The following ADAMDEC1 variants were observed in gnomAD, a reference collection of about 807,000 sequenced individuals.
The protein encoded by ADAMDEC1 is ADAM DEC1.
In ADAMDEC1, 62 loss-of-function variants were observed where a neutral mutation model predicts 60.4. The observed-to-expected ratio is 1.03, with a 90% CI of 0.84 to 1.27. The LOEUF is 1.27. Ranked by LOEUF, ADAMDEC1 falls within the 50% of genes most tolerant of loss-of-function variation. ADAMDEC1 has a pLI of 0.00. For missense variants in ADAMDEC1, 595 were observed against 565.0 expected (o/e 1.05, Z -0.54); for synonymous variants, 210 against 195.1 (o/e 1.08, Z -0.64).
chr8:24,402,962 T>C (rs1435109678), intron 12 of ADAMDEC1, among the ~76,000 whole-genome samples: 1 of 152,164 alleles, frequency 6.6e-6, no homozygotes, highest in Non-Finnish European at 1.5e-5. Context: ...CTTACTTGCT[T>C]ACATTCATCT....
At chr8:24,397,633 C>T (rs757397346) in intron 6 of ADAMDEC1, 50 bp from the exon 7 acceptor site, 1 of 1,561,126 alleles carries the variant, frequency 6.4e-7, no homozygotes, top group Non-Finnish European at 8.7e-7. Flanking sequence ...GCTTTGGAAT[C>T]TTTTAGGATA....
chr8:24,392,677 T>C lies in ADAMDEC1; in HGVS notation c.207+297T>C, dbSNP rs185326229. Among the ~76,000 whole-genome samples the C allele has an allele frequency of 8.9e-4, 135 of 152,208 alleles. 1 individual carries two copies. The highest frequency in any genetic ancestry group is 3.1e-3 in the African/African-American group (128 of 41,504). The stretch of plus-strand genomic sequence containing the variant: ...GAAGGTCGGCCATCTTTAACGGAGA[T>C]GTTGTTCCTGGCAAGCCTCACCACC... On this transcript the variant is annotated intron_variant, in intron 2 of 13. Transcript: ENST00000256412.
intron 1 of ADAMDEC1, among the ~76,000 whole-genome samples, chr8:24,386,452 C>A (rs1315362609): frequency 6.6e-6 from 1 of 152,136 alleles, no homozygotes; most frequent in Non-Finnish European, 1.5e-5. Context: ...GTGTATAAAA[C>A]CACGCCAGAA....
Position 24,395,868 on chromosome 8 carries a change from T to C in ADAMDEC1, c.440+72T>C, listed in dbSNP as rs904444641. 44 of 1,199,062 alleles carry C rather than the reference T, an allele frequency of 3.7e-5. No homozygotes were observed. In the Middle Eastern group the frequency reaches 1.1e-3, roughly 31 times the overall value. The allele number at this position is 1,199,062 out of a possible 1,614,324, so 74.3% of individuals were successfully genotyped here. A position where few individuals can be genotyped will look rare whatever the true frequency, so the allele number is the denominator to read the frequency against. On this transcript the variant is annotated intron_variant, in intron 5 of 13. Coordinates refer to ENST00000256412, the MANE Select transcript of ADAMDEC1 (RefSeq NM_014479.3). The stretch of plus-strand genomic sequence containing the variant: ...ACACAGAATTAAGGGCTACTAGATA[T>C]TGTCTTCTTACTATTTTGGTAAATT...
At chr8:24,392,890 T>G (rs1368651297) in intron 2 of ADAMDEC1, among the ~76,000 whole-genome samples, 1 of 139,374 alleles carries the variant, frequency 7.2e-6, no homozygotes, top group Non-Finnish European at 1.5e-5. Flanking sequence ...TGAGAGGTTT[T>G]TTTTTTTTTT....
rs997471550 is a variant in ADAMDEC1 at position 24,394,844 on chromosome 8, A to T, written c.363+697A>T. 3.3e-5 allele frequency among the ~76,000 whole-genome samples: 5 copies of T among 152,226 alleles called. No homozygotes were observed. In the East Asian group the frequency reaches 9.6e-4, roughly 29 times the overall value. On this transcript the variant is annotated intron_variant, in intron 4 of 13. Transcript: ENST00000256412. The stretch of plus-strand genomic sequence containing the variant: ...TTTGCTAACACTATCTTCAGCGGAC[A>T]GTGTCTGATAAATTAATTTATGCTC...
chr8:24,395,617 A>G (rs1817585154), intron 4 of ADAMDEC1, 103 bp from the exon 5 acceptor site: 4 of 758,722 alleles, frequency 5.3e-6, no homozygotes, highest in Middle Eastern at 3.9e-4. Context: ...AGCTTTCCTC[A>G]CAACTGTGAT....
intron 10 of ADAMDEC1, 64 bp from the exon 11 acceptor site, chr8:24,400,106 A>C (rs569750220): frequency 1.2e-4 from 159 of 1,325,978 alleles, no homozygotes; most frequent in Admixed American, 2.8e-4. Context: ...GCCATTTTTA[A>C]AGTACTGCAC....
intron 1 of ADAMDEC1, among the ~76,000 whole-genome samples, chr8:24,386,242 A>G (rs1817288580): frequency 6.6e-6 from 1 of 152,178 alleles, no homozygotes; most frequent in Non-Finnish European, 1.5e-5. Flanking sequence ...ATAATTTTAT[A>G]CCTGGTAATG....
chr8:24,405,091 T>C (rs919743910), intron 13 of ADAMDEC1, among the ~76,000 whole-genome samples: 11 of 152,192 alleles, frequency 7.2e-5, no homozygotes, highest in African/African-American at 2.7e-4. Flanking sequence ...GTCTTTTCTG[T>C]CAGAAACTAG....
At chr8:24,384,882 C>T (rs2129355800) in intron 1 of ADAMDEC1, among the ~76,000 whole-genome samples, 1 of 152,068 alleles carries the variant, frequency 6.6e-6, no homozygotes, top group Admixed American at 6.6e-5. Flanking sequence ...ACAATATTTT[C>T]CAAAATAGAG....
intron 11 of ADAMDEC1, among the ~76,000 whole-genome samples, chr8:24,400,626 T>G (rs1338844463): frequency 1.4e-5 from 2 of 145,696 alleles, no homozygotes; most frequent in East Asian, 4.1e-4. Context: ...AATGAATGTT[T>G]CTTTTCATAT....
Position 24,402,016 on chromosome 8 carries a change from C to T in ADAMDEC1, c.1244C>T (p.Thr415Ile). The change falls in exon 12 of 14, where the codon ACA becomes ATA. Residue 415 changes from threonine (T) to isoleucine (I), a missense_variant. Transcript: ENST00000256412. ...PKCLLQAPIPTNIMTTPVCGN... is the reference protein window; with the variant it reads ...PKCLLQAPIPINIMTTPVCGN... ...TGCCTGCTGCAAGCACCTATTCCTA[C>T]AAATATAATGACAACACCAGTGTGT... 1 of 1,613,308 alleles carries T rather than the reference C, an allele frequency of 6.2e-7. No individual in the cohort carries two copies.
intron 1 of ADAMDEC1, among the ~76,000 whole-genome samples, chr8:24,388,320 A>G (rs1817348525): frequency 6.6e-6 from 1 of 152,018 alleles, no homozygotes; most frequent in Admixed American, 6.6e-5. Flanking sequence ...TACTGTCTAT[A>G]CACTTTCTCT....
chr8:24,390,696 G>A (rs536651888), intron 1 of ADAMDEC1, among the ~76,000 whole-genome samples: 5 of 151,798 alleles, frequency 3.3e-5, no homozygotes, highest in Non-Finnish European at 7.4e-5. Flanking sequence ...CTCCAGCCTG[G>A]GTGACAGAGC....
intron 1 of ADAMDEC1, among the ~76,000 whole-genome samples, chr8:24,391,682 A>G (rs751093657): frequency 4.6e-5 from 7 of 152,212 alleles, no homozygotes; most frequent in Non-Finnish European, 8.8e-5. Flanking sequence ...TCTTGGGGGA[A>G]AATGCTGAGA....
intron 1 of ADAMDEC1, among the ~76,000 whole-genome samples, chr8:24,389,806 G>C (rs1817390833): frequency 6.6e-6 from 1 of 151,956 alleles, no homozygotes; most frequent in Non-Finnish European, 1.5e-5. Context: ...CCTCTATCCG[G>C]AACTCTTTGT....
intron 2 of ADAMDEC1, among the ~76,000 whole-genome samples, chr8:24,392,890 T>TTG (rs1164342825): frequency 1.1e-4 from 16 of 139,438 alleles, no homozygotes; most frequent in Admixed American, 3.5e-4. Flanking sequence ...TGAGAGGTTT[T>TTG]TTTTTTTTTT....
At chr8:24,384,624 A>G in intron 1 of ADAMDEC1, 32 bp downstream of exon 1, 1 of 1,565,060 alleles carries the variant, frequency 6.4e-7, no homozygotes, top group Non-Finnish European at 8.7e-7. Context: ...TTTTACATAA[A>G]AGTCAAATTA....
Sources: gnomAD v4.1 joint callset for allele counts (sites outside exome capture counted in the v4.1 genomes callset) on GRCh38, gnomAD v4.1.1 for gene constraint, MANE v1.5 for transcripts, NCBI Gene and HGNC (gene_info 2026-07-23, HGNC 2026-07-21) for gene names.